GLRA3: variants seen among roughly 807,000 people sequenced by gnomAD.
The protein encoded by GLRA3 is glycine receptor subunit alpha-3.
In GLRA3, 44 loss-of-function variants were observed where a neutral mutation model predicts 60.4. The ratio of observed to expected loss-of-function variants is 0.73; its 90% CI spans 0.57 to 0.94. The LOEUF (loss-of-function observed/expected upper bound fraction) is 0.94, where lower values mean the gene tolerates loss of function less well. Among genes scored for constraint, GLRA3 ranks in the 40% least tolerant of loss-of-function variants. GLRA3 has a pLI of 0.00. For synonymous variants in GLRA3, 223 were observed against 192.9 expected, an observed-to-expected ratio of 1.16 and a Z score of -1.29; for missense variants, 508 against 564.6, an observed-to-expected ratio of 0.90 and a Z score of 1.02.
intron 1 of GLRA3, among the ~76,000 whole-genome samples, chr4:174,811,608 G>A (rs1014000992): frequency 7.9e-5 from 12 of 152,240 alleles, no homozygotes; most frequent in Admixed American, 2.6e-4. Context: ...ATGTTGATAT[G>A]TAATACTTAC....
intron 2 of GLRA3, among the ~76,000 whole-genome samples, chr4:174,774,517 A>C (rs575478809): frequency 6.6e-6 from 1 of 152,260 alleles, no homozygotes; most frequent in East Asian, 1.9e-4. Context: ...TCCACCATCA[A>C]ATAGAATGCA....
chr4:174,721,825 A>C lies in GLRA3; in HGVS notation c.492-6255T>G, dbSNP rs78989246. On this transcript the variant is annotated intron_variant, in intron 4 of 9. Transcript: ENST00000274093. The stretch of plus-strand genomic sequence containing the variant: ...TGTATATGAAAAAATATGTGTGTGT[A>C]TATATATGTGTGTGTATATGTGTGT... Among the ~76,000 whole-genome samples the C allele has an allele frequency of 2.6e-4, 27 of 105,784 alleles. No homozygotes were observed. In the East Asian group the frequency reaches 5.7e-3, roughly 22 times the overall value. The allele number at this position is 105,784 out of a possible 152,430, so 69.4% of individuals were successfully genotyped here. A position where few individuals can be genotyped will look rare whatever the true frequency, so the allele number is the denominator to read the frequency against.
chr4:174,657,980 A>C (rs564047878), intron 8 of GLRA3, among the ~76,000 whole-genome samples: 134 of 152,286 alleles, frequency 8.8e-4, no homozygotes, highest in African/African-American at 3.2e-3. Flanking sequence ...TTACTGCTTT[A>C]GAATATGTTT....
At chr4:174,707,604 A>C (rs2111070637) in intron 5 of GLRA3, among the ~76,000 whole-genome samples, 1 of 152,322 alleles carries the variant, frequency 6.6e-6, no homozygotes, top group East Asian at 1.9e-4. Context: ...AAATAGGCAA[A>C]GGAGGGAACT....
intron 5 of GLRA3, among the ~76,000 whole-genome samples, chr4:174,693,657 T>G (rs1319056124): frequency 6.6e-6 from 1 of 152,166 alleles, no homozygotes; most frequent in African/African-American, 2.4e-5. Flanking sequence ...CCATATGAAT[T>G]TTAAAATAGT....
chr4:174,682,903 T>C lies in GLRA3; in HGVS notation c.611A>G (p.Gln204Arg). Residue 204 changes from glutamine (Q) to arginine (R), a missense_variant, in exon 6 of 10, where the codon CAA becomes CGA. Physicochemically the swap from Gln to Arg is conservative, Grantham distance 43. Transcript: ENST00000274093. ...TGCCACTTGTACGGGTGCCTCATCT[T>C]GCCATTCAAAAATGAGATCATTCAT... ...YTMNDLIFEWQDEAPVQVAEG... is the reference protein window; with the variant it reads ...YTMNDLIFEWRDEAPVQVAEG... 1 of 1,613,238 alleles carries C rather than the reference T, an allele frequency of 6.2e-7. No homozygotes were observed. The highest frequency in any genetic ancestry group is 1.1e-5 in the South Asian group (1 of 91,052).
intron 1 of GLRA3, among the ~76,000 whole-genome samples, chr4:174,811,224 T>A (rs533851128): frequency 6.7e-6 from 1 of 150,060 alleles, no homozygotes; most frequent in South Asian, 2.1e-4. Flanking sequence ...AAACAGGGAA[T>A]TTGCTCTGAC....
intron 9 of GLRA3, among the ~76,000 whole-genome samples, chr4:174,654,746 G>C (rs1733136558): frequency 6.6e-6 from 1 of 151,954 alleles, no homozygotes; most frequent in South Asian, 2.1e-4. Flanking sequence ...TCATACATGG[G>C]AATAGCGACT....
chr4:174,643,417 A>G lies in GLRA3; in HGVS notation c.*369T>C, dbSNP rs576904257. The G allele has an allele frequency of 2.4e-5, 12 of 496,156 alleles. No individual in the cohort carries two copies. In the Admixed American group the frequency reaches 1.8e-3, roughly 73 times the overall value. The allele number at this position is 496,156 out of a possible 1,614,324, so 30.7% of individuals were successfully genotyped here. A position where few individuals can be genotyped will look rare whatever the true frequency, so the allele number is the denominator to read the frequency against. On this transcript the variant is annotated 3_prime_UTR_variant, in exon 10 of 10. Transcript: ENST00000274093. ...TTTACTGTGCAAAATTTGCTTTTGT[A>G]TGATTTAATAGCATTGAATTACAAA...
intron 3 of GLRA3, among the ~76,000 whole-genome samples, chr4:174,758,605 A>G (rs1350577026): frequency 1.3e-5 from 2 of 152,146 alleles, no homozygotes; most frequent in Non-Finnish European, 2.9e-5. Context: ...AGTAAAAACT[A>G]AAGAAATCCA....
intron 5 of GLRA3, among the ~76,000 whole-genome samples, chr4:174,706,298 G>A (rs185898811): frequency 1.3e-5 from 2 of 152,120 alleles, no homozygotes; most frequent in Admixed American, 1.3e-4. Flanking sequence ...TCAAGCTATC[G>A]ATAAATCTTC....
chr4:174,742,774 T>C (rs1222825249), intron 3 of GLRA3, among the ~76,000 whole-genome samples: 3 of 152,202 alleles, frequency 2.0e-5, no homozygotes, highest in Non-Finnish European at 2.9e-5. Flanking sequence ...TGGAAGATAA[T>C]TGCTATGAAT....
At chr4:174,810,816 C>A (rs1262451400) in intron 1 of GLRA3, among the ~76,000 whole-genome samples, 1 of 152,118 alleles carries the variant, frequency 6.6e-6, no homozygotes, top group Non-Finnish European at 1.5e-5. Context: ...CATTCTAAAT[C>A]CCTGTAGCAG....
intron 3 of GLRA3, among the ~76,000 whole-genome samples, chr4:174,729,766 T>A (rs1736483089): frequency 6.6e-6 from 1 of 152,240 alleles, no homozygotes; most frequent in African/African-American, 2.4e-5. Context: ...ATAAGACCAC[T>A]TCATTTGCAT....
intron 7 of GLRA3, among the ~76,000 whole-genome samples, chr4:174,673,238 T>C (rs1733978306): frequency 6.6e-6 from 1 of 152,186 alleles, no homozygotes; most frequent in Non-Finnish European, 1.5e-5. Flanking sequence ...GGATTCCTTC[T>C]AGTACTCAGA....
At chr4:174,817,378 A>G (rs759340940) in intron 1 of GLRA3, among the ~76,000 whole-genome samples, 30 of 152,178 alleles carry the variant, frequency 2.0e-4, no homozygotes, top group Non-Finnish European at 3.8e-4. Context: ...TCACTTGCAT[A>G]GTTTTTCTTT....
chr4:174,769,625 T>C (rs537913053), intron 2 of GLRA3, among the ~76,000 whole-genome samples: 4 of 152,240 alleles, frequency 2.6e-5, no homozygotes, highest in African/African-American at 9.6e-5. Context: ...GCAATCGTTC[T>C]ATGACCTCCC....
intron 8 of GLRA3, among the ~76,000 whole-genome samples, 197 bp downstream of exon 8, chr4:174,658,857 A>G (rs1733313913): frequency 6.6e-6 from 1 of 152,212 alleles, no homozygotes; most frequent in African/African-American, 2.4e-5. Context: ...TGCTGTTTAA[A>G]GTAGAGCTAG....
intron 1 of GLRA3, among the ~76,000 whole-genome samples, chr4:174,797,505 A>G (rs1739618952): frequency 6.6e-6 from 1 of 152,158 alleles, no homozygotes; most frequent in Non-Finnish European, 1.5e-5. Flanking sequence ...TAACTTAGGT[A>G]TTTTATATAT....
Sources: allele counts gnomAD v4.1 joint callset (sites outside exome capture counted in the v4.1 genomes callset), GRCh38; gene constraint gnomAD v4.1.1; transcripts MANE v1.5; gene names NCBI Gene and HGNC (gene_info 2026-07-23, HGNC 2026-07-21).